The following MKLN1 variants were observed in gnomAD, a reference collection of about 807,000 sequenced individuals.
The protein encoded by MKLN1 is muskelin 1.
In MKLN1, 18 loss-of-function variants were observed where a neutral mutation model predicts 99.0. The ratio of observed to expected loss-of-function variants is 0.18; its 90% CI spans 0.13 to 0.27. The LOEUF (loss-of-function observed/expected upper bound fraction) is 0.27, where lower values mean the gene tolerates loss of function less well. MKLN1 is among the 10% of genes least tolerant of loss of function. The pLI, the probability that MKLN1 is intolerant of heterozygous loss-of-function variation, is 1.00. For synonymous variants in MKLN1, 288 were observed against 293.2 expected (o/e 0.98, Z 0.18); for missense variants, 621 against 875.9 (o/e 0.71, Z 3.67).
intron 3 of MKLN1, among the ~76,000 whole-genome samples, chr7:131,281,240 A>T: frequency 6.6e-6 from 1 of 150,888 alleles, no homozygotes; most frequent in East Asian, 1.9e-4. Context: ...TTGAGAGTTC[A>T]ACTTCATTTT....
chr7:131,430,902 C>T (rs771689205), intron 9 of MKLN1, among the ~76,000 whole-genome samples: 3 of 151,988 alleles, frequency 2.0e-5, no homozygotes, highest in Non-Finnish European at 2.9e-5. Flanking sequence ...CCTCCAGCCT[C>T]GGTGACAGAG....
chr7:131,401,698 GC>G (rs1794549223), intron 6 of MKLN1, among the ~76,000 whole-genome samples: 1 of 152,056 alleles, frequency 6.6e-6, no homozygotes, highest in African/African-American at 2.4e-5. Context: ...CCAGACCACT[GC>G]AGTGAAGTGA....
At chr7:131,368,648 C>A (rs1800252164) in intron 1 of MKLN1, among the ~76,000 whole-genome samples, 1 of 151,810 alleles carries the variant, frequency 6.6e-6, no homozygotes, top group Admixed American at 6.6e-5. Context: ...GGGAAATTCG[C>A]CCCCCCATGA....
intron 12 of MKLN1, among the ~76,000 whole-genome samples, chr7:131,455,811 C>A (rs984790587): frequency 6.6e-6 from 1 of 152,022 alleles, no homozygotes; most frequent in African/African-American, 2.4e-5. Flanking sequence ...TTTGGGAGGC[C>A]GAGGCAGGCG....
chr7:131,421,611 A>C (rs1294327707), intron 8 of MKLN1, among the ~76,000 whole-genome samples: 2 of 152,192 alleles, frequency 1.3e-5, no homozygotes, highest in African/African-American at 2.4e-5. Context: ...TTGTATGTGC[A>C]TATATTATTT....
intron 3 of MKLN1, among the ~76,000 whole-genome samples, chr7:131,207,278 G>T (rs1796827694): frequency 6.6e-6 from 1 of 152,010 alleles, no homozygotes; most frequent in African/African-American, 2.4e-5. Context: ...GTGATTTGCA[G>T]CCTCCACCTC....
chr7:131,320,305 C>A (rs1798751353), intron 3 of MKLN1, among the ~76,000 whole-genome samples: 1 of 152,164 alleles, frequency 6.6e-6, no homozygotes, highest in Admixed American at 6.5e-5. Flanking sequence ...CTTTGACAAA[C>A]CTGACAAAAA....
chr7:131,237,011 A>T lies in MKLN1; in HGVS notation c.-179+34037A>T, dbSNP rs375446837. 7.2e-5 allele frequency among the ~76,000 whole-genome samples: 11 copies of T among 152,248 alleles called. No homozygotes were observed. In the East Asian group the frequency reaches 9.7e-4, roughly 13 times the overall value. The stretch of plus-strand genomic sequence containing the variant: ...CTCTAAAAAAGAAAAGACAAAAAAA[A>T]TGATGGAGAAAACCACAGTCTGGTT... On this transcript the variant is annotated intron_variant, in intron 3 of 7. Transcript: ENST00000416992.
In MKLN1 at chr7:131,184,245, C is replaced by T. The variant is rs528619771; in HGVS notation, c.-296-18612C>T. Among the ~76,000 whole-genome samples the T allele has an allele frequency of 1.2e-4, 19 of 152,278 alleles. No homozygotes were observed. The South Asian group carries it at 3.9e-3, about 32-fold the overall frequency. On this transcript the variant is annotated intron_variant, in intron 2 of 7. Coordinates refer to the MKLN1 transcript ENST00000416992. ...GCTCAAGCAATCCTCCCAACTCCGC[C>T]TCCCTAGTAGCTGTGACTATAGGTG...
intron 2 of MKLN1, among the ~76,000 whole-genome samples, chr7:131,165,922 C>T (rs999421688): frequency 2.6e-5 from 4 of 152,066 alleles, no homozygotes; most frequent in South Asian, 4.2e-4. Context: ...CGAGACTAGC[C>T]GGGGCAACAT....
In MKLN1 at chr7:131,470,835, T is replaced by A. The variant is rs2116642130; in HGVS notation, c.1929-7T>A. On this transcript the variant is annotated splice_region_variant and splice_polypyrimidine_tract_variant and intron_variant, in intron 15 of 17. Coordinates refer to ENST00000352689, the MANE Select transcript of MKLN1 (RefSeq NM_013255.5). The stretch of plus-strand genomic sequence containing the variant: ...TCCAGATAATTATCCTTGTGTACAT[T>A]TTCTAGGTTTGAAGAAAAGGCCCAA... 1 of 1,558,928 alleles carries A rather than the reference T, an allele frequency of 6.4e-7. No homozygotes were observed. Among genetic ancestry groups the A allele is most frequent in the East Asian group, 2.2e-5 (1 of 44,580 alleles).
intron 2 of MKLN1, among the ~76,000 whole-genome samples, chr7:131,377,089 C>T (rs1793687953): frequency 6.6e-6 from 1 of 152,052 alleles, no homozygotes; most frequent in Non-Finnish European, 1.5e-5. Flanking sequence ...GGCATTTAGG[C>T]TTTTTACAGT....
intron 1 of MKLN1, among the ~76,000 whole-genome samples, chr7:131,353,492 T>G (rs1799779822): frequency 6.6e-6 from 1 of 152,102 alleles, no homozygotes; most frequent in Non-Finnish European, 1.5e-5. Flanking sequence ...TAGGTGTATG[T>G]TTTAGGTGTG....
chr7:131,456,454 C>T (rs1276048354), intron 12 of MKLN1, among the ~76,000 whole-genome samples: 1 of 152,134 alleles, frequency 6.6e-6, no homozygotes, highest in Non-Finnish European at 1.5e-5. Context: ...CTCACTCTCC[C>T]CCAGATTACC....
chr7:131,249,671 T>A (rs555250373), intron 3 of MKLN1, among the ~76,000 whole-genome samples: 1 of 152,156 alleles, frequency 6.6e-6, no homozygotes, highest in Admixed American at 6.5e-5. Context: ...CAAGAATGCA[T>A]GGAAGGCTTA....
chr7:131,142,462 G>A (rs1434368579), intron 1 of MKLN1, among the ~76,000 whole-genome samples: 2 of 150,970 alleles, frequency 1.3e-5, no homozygotes, highest in African/African-American at 4.9e-5. Context: ...TAGGCCGGTC[G>A]CGGTGGCTCA....
chr7:131,478,505 C>G, intron 16 of MKLN1, 118 bp from the exon 17 acceptor site: 1 of 1,006,006 alleles, frequency 9.9e-7, no homozygotes, highest in South Asian at 2.2e-5. Context: ...CTATGTCACA[C>G]ATATGCAGAA....
At chr7:131,301,119 G>A (rs989172806) in intron 3 of MKLN1, among the ~76,000 whole-genome samples, 2 of 152,192 alleles carry the variant, frequency 1.3e-5, no homozygotes, top group Non-Finnish European at 1.5e-5. Flanking sequence ...TTGATCCCTA[G>A]GCCCCACCCC....
intron 3 of MKLN1, among the ~76,000 whole-genome samples, chr7:131,311,903 A>T (rs1450819685): frequency 6.6e-6 from 1 of 152,254 alleles, no homozygotes; most frequent in East Asian, 1.9e-4. Context: ...TATTCAAAAG[A>T]GAAAACCAAA....
Sources: allele counts gnomAD v4.1 joint callset (sites outside exome capture counted in the v4.1 genomes callset), GRCh38; gene constraint gnomAD v4.1.1; transcripts MANE v1.5; gene names NCBI Gene and HGNC (gene_info 2026-07-23, HGNC 2026-07-21).